RGS7: variants seen among roughly 807,000 people sequenced by gnomAD.
RGS7 encodes regulator of G protein signaling 7, also known as regulator of G-protein signaling 7.
Under a neutral mutation model 81.1 loss-of-function variants are expected in RGS7, and 27 were observed. The ratio of observed to expected loss-of-function variants is 0.33; its 90% CI spans 0.25 to 0.46. The LOEUF (loss-of-function observed/expected upper bound fraction) is 0.46. Ranked by LOEUF, RGS7 falls within the 20% of genes least tolerant of loss-of-function variation. The pLI is 1.00. For missense variants in RGS7, 396 were observed against 607.4 expected (o/e 0.65, Z 3.66); for synonymous variants, 208 against 207.7 (o/e 1.00, Z -0.01).
intron 2 of RGS7, among the ~76,000 whole-genome samples, chr1:241,334,109 C>T (rs950226320): frequency 4.6e-5 from 7 of 151,546 alleles, no homozygotes; most frequent in South Asian, 2.1e-4. Flanking sequence ...TTTAGTACTC[C>T]GTCGCTTCCC....
At chr1:241,333,565 G>T (rs1371905532) in intron 2 of RGS7, among the ~76,000 whole-genome samples, 1 of 152,088 alleles carries the variant, frequency 6.6e-6, no homozygotes, top group Non-Finnish European at 1.5e-5. Flanking sequence ...ACTGCTGTGA[G>T]GACTAAAAGG....
intron 18 of RGS7, among the ~76,000 whole-genome samples, chr1:240,795,239 T>TA (rs1177406110): frequency 7.3e-6 from 1 of 137,098 alleles, no homozygotes; most frequent in Non-Finnish European, 1.6e-5. Flanking sequence ...CAAACCAAGT[T>TA]AAAAATCATT....
At chr1:240,878,716 T>G (rs1278874146) in intron 6 of RGS7, among the ~76,000 whole-genome samples, 1 of 152,098 alleles carries the variant, frequency 6.6e-6, no homozygotes, top group Non-Finnish European at 1.5e-5. Context: ...AATACTGATT[T>G]GGTGTATACA....
At chr1:240,837,411 A>G (rs1178404942) in intron 9 of RGS7, among the ~76,000 whole-genome samples, 2 of 152,318 alleles carry the variant, frequency 1.3e-5, no homozygotes, top group Non-Finnish European at 2.9e-5. Flanking sequence ...GAGACTGAAC[A>G]TGTGTGCTCC....
Position 240,941,756 on chromosome 1 carries a change from G to A in RGS7, c.227-5050C>T, listed in dbSNP as rs545921031. Among the ~76,000 whole-genome samples, 5 of 151,734 alleles carry A rather than the reference G, an allele frequency of 3.3e-5. No individual in the cohort carries two copies. In the East Asian group the frequency reaches 5.8e-4, roughly 18 times the overall value. On this transcript the variant is annotated intron_variant, in intron 4 of 18. Coordinates refer to ENST00000440928, the MANE Select transcript of RGS7 (RefSeq NM_001364886.1). Reference sequence around the variant, plus strand: ...CAGTTCCCTGTGGTCCCACTGCTCCGAAATCTTAGCACCATCTTAATCTAA... The same window carrying A: ...CAGTTCCCTGTGGTCCCACTGCTCCAAAATCTTAGCACCATCTTAATCTAA...
chr1:241,098,590 G>T (rs548237186), intron 3 of RGS7, 76 bp downstream of exon 3: 17 of 956,006 alleles, frequency 1.8e-5, no homozygotes, highest in African/African-American at 1.8e-4. Context: ...TTTCAATAGT[G>T]AACAGCTGGA....
At chr1:240,891,346 G>C (rs1424331945) in intron 6 of RGS7, among the ~76,000 whole-genome samples, 1 of 152,142 alleles carries the variant, frequency 6.6e-6, no homozygotes, top group Non-Finnish European at 1.5e-5. Flanking sequence ...ATAATTCTAA[G>C]TGTTACTTCA....
intron 2 of RGS7, among the ~76,000 whole-genome samples, chr1:241,251,511 CTTTT>C (rs990012683): frequency 3.3e-5 from 5 of 149,410 alleles, no homozygotes; most frequent in African/African-American, 7.4e-5. Flanking sequence ...TTCTTTCTTT[CTTTT>C]CTTTTTTTTT....
intron 2 of RGS7, among the ~76,000 whole-genome samples, chr1:241,276,993 G>A (rs538675554): frequency 3.9e-5 from 6 of 152,288 alleles, no homozygotes; most frequent in South Asian, 2.1e-4. Flanking sequence ...AATGTCCATC[G>A]TCAGCTTTTA....
At chr1:241,122,569 G>A (rs1440227293) in intron 2 of RGS7, among the ~76,000 whole-genome samples, 1 of 151,766 alleles carries the variant, frequency 6.6e-6, no homozygotes, top group Admixed American at 6.6e-5. Context: ...GGCTGACGCA[G>A]GAGAATCACT....
Position 240,806,146 on chromosome 1 carries a change from A to G in RGS7, c.1263T>C (p.Asp421=), listed in dbSNP as rs368232176. 5.0e-6 allele frequency: 8 copies of G among 1,613,554 alleles called. No individual in the cohort carries two copies. The African/African-American group carries it at 8.0e-5, about 16-fold the overall frequency. The change falls in exon 15 of 19, where the codon GAT becomes GAC. Residue 421 remains aspartate, a synonymous_variant. Transcript: ENST00000440928. ...AGGCTCACCGTACACCCACCTGAGC[A>G]TCTTCAAATGTGTATCGTCCAGGTT... The part of the protein sequence containing the change: ...VKEPGRYTFE[D]AQEHIYKLMK...
At chr1:241,146,995 G>A (rs924289492) in intron 2 of RGS7, among the ~76,000 whole-genome samples, 16 of 152,252 alleles carry the variant, frequency 1.1e-4, no homozygotes, top group Admixed American at 8.5e-4. Flanking sequence ...TTTTGGGGAC[G>A]TAGAAACACT....
chr1:241,142,079 A>G (rs1244770468), intron 2 of RGS7, among the ~76,000 whole-genome samples: 18 of 152,244 alleles, frequency 1.2e-4, no homozygotes, highest in Admixed American at 9.2e-4. Context: ...CTTTGACTCC[A>G]TGTCTCACAT....
chr1:240,869,999 G>A, intron 7 of RGS7, 56 bp downstream of exon 7: 2 of 1,357,596 alleles, frequency 1.5e-6, no homozygotes, highest in Admixed American at 1.7e-5. Context: ...AAAGGCTGTG[G>A]GCCTTACTGC....
intron 4 of RGS7, among the ~76,000 whole-genome samples, chr1:240,957,844 A>G (rs1002206679): frequency 6.6e-6 from 1 of 152,196 alleles, no homozygotes; most frequent in Non-Finnish European, 1.5e-5. Context: ...AAGATTTTTT[A>G]AGAGCAAATT....
At chr1:240,994,888 T>C (rs773710189) in intron 3 of RGS7, among the ~76,000 whole-genome samples, 9 of 152,110 alleles carry the variant, frequency 5.9e-5, no homozygotes, top group Non-Finnish European at 8.8e-5. Context: ...GTCCAGCCAA[T>C]GATCTCAAAC....
At chr1:241,089,066 T>C (rs1248217170) in intron 3 of RGS7, among the ~76,000 whole-genome samples, 1 of 40,444 alleles carries the variant, frequency 2.5e-5, no homozygotes, top group Admixed American at 3.0e-4. Flanking sequence ...TCTCTCTCTA[T>C]ATATATATAT....
chr1:240,886,889 G>A (rs1212111055), intron 6 of RGS7, among the ~76,000 whole-genome samples: 1 of 152,178 alleles, frequency 6.6e-6, no homozygotes, highest in Admixed American at 6.5e-5. Context: ...ATGCCATGTG[G>A]TATAATAGAA....
chr1:241,343,865 T>C (rs891496365), intron 2 of RGS7, among the ~76,000 whole-genome samples: 15 of 152,132 alleles, frequency 9.9e-5, no homozygotes, highest in African/African-American at 3.6e-4. Context: ...ATATATATTT[T>C]TACCACAATA....
Sources: allele counts gnomAD v4.1 joint callset (sites outside exome capture counted in the v4.1 genomes callset), GRCh38; gene constraint gnomAD v4.1.1; transcripts MANE v1.5; gene names NCBI Gene and HGNC (gene_info 2026-07-23, HGNC 2026-07-21).